Variants in IKZF1 observed in about 807,000 individuals in gnomAD.
IKZF1 encodes IKAROS family zinc finger 1.
In IKZF1, 10 loss-of-function variants were observed where a neutral mutation model predicts 51.7. That is an observed-to-expected ratio of 0.19 (90% CI 0.12 to 0.33). IKZF1 has a LOEUF of 0.33. IKZF1 is among the 10% of genes least tolerant of loss of function. The pLI, the probability that IKZF1 is intolerant of heterozygous loss-of-function variation, is 1.00. For missense variants in IKZF1, 484 were observed against 707.5 expected (o/e 0.68, Z 3.58); for synonymous variants, 280 against 282.3 (o/e 0.99, Z 0.08).
At chr7:50,381,755 G>A (rs1015935607) in intron 4 of IKZF1, among the ~76,000 whole-genome samples, 15 of 152,204 alleles carry the variant, frequency 9.9e-5, no homozygotes, top group African/African-American at 3.6e-4. Context: ...TTTAGGATTT[G>A]TAAAGAAAGA....
chr7:50,383,934 C>T (rs1812602502), intron 5 of IKZF1, among the ~76,000 whole-genome samples: 1 of 152,252 alleles, frequency 6.6e-6, no homozygotes, highest in Non-Finnish European at 1.5e-5. Flanking sequence ...CTTTATCACA[C>T]ATTTACTGAG....
chr7:50,393,683 G>A (rs761585174), intron 7 of IKZF1, among the ~76,000 whole-genome samples: 1 of 152,206 alleles, frequency 6.6e-6, no homozygotes, highest in African/African-American at 2.4e-5. Context: ...TTCCTGAACG[G>A]AGTAGGAGTG....
intron 3 of IKZF1, chr7:50,368,820 C>T (rs12533431): frequency 0.053 from 11,977 of 224,564 alleles, 756 homozygotes; most frequent in East Asian, 0.21. Context: ...ATTAGTAAAT[C>T]CTCTAATACT....
At chr7:50,359,436 G>T (rs1236154706) in intron 3 of IKZF1, among the ~76,000 whole-genome samples, 2 of 152,186 alleles carry the variant, frequency 1.3e-5, no homozygotes, top group Non-Finnish European at 2.9e-5. Context: ...GAGCTGGCAG[G>T]CGGGGGAATG....
intron 3 of IKZF1, among the ~76,000 whole-genome samples, chr7:50,365,366 T>C (rs1219757806): frequency 6.6e-6 from 1 of 152,244 alleles, no homozygotes; most frequent in Non-Finnish European, 1.5e-5. Context: ...GGTACAGCTA[T>C]ATTTTGTTTT....
At chr7:50,335,068 C>G (rs1236612304) in intron 3 of IKZF1, among the ~76,000 whole-genome samples, 2 of 124,476 alleles carry the variant, frequency 1.6e-5, no homozygotes, top group African/African-American at 6.2e-5. Context: ...TGCATGTGTG[C>G]ATGGGATGTG....
chr7:50,353,036 G>A (rs1468973027), intron 3 of IKZF1, among the ~76,000 whole-genome samples: 1 of 152,142 alleles, frequency 6.6e-6, no homozygotes, highest in Non-Finnish European at 1.5e-5. Flanking sequence ...CTTTTCCCCT[G>A]CTTACCCTTG....
At chr7:50,329,987 C>G (rs995916077) in intron 3 of IKZF1, among the ~76,000 whole-genome samples, 1 of 152,170 alleles carries the variant, frequency 6.6e-6, no homozygotes, top group Admixed American at 6.5e-5. Context: ...GTATCCTGTC[C>G]CTTACGGACG....
chr7:50,313,586 A>C (rs941963882), intron 1 of IKZF1, among the ~76,000 whole-genome samples: 3 of 152,210 alleles, frequency 2.0e-5, no homozygotes, highest in East Asian at 1.9e-4. Flanking sequence ...CTGATGGGCA[A>C]GAGTGCTAGG....
Position 50,391,723 on chromosome 7 carries a change from C to G in IKZF1, c.716-6C>G. ...TCTAAACTGGCCTCTCTGTCTTTGACTTTAGTCATTAAAGAAGAAACTAAT... is the reference window on the plus strand; with the variant it reads ...TCTAAACTGGCCTCTCTGTCTTTGAGTTTAGTCATTAAAGAAGAAACTAAT... On this transcript the variant is annotated splice_polypyrimidine_tract_variant and splice_region_variant and intron_variant, in intron 6 of 7. Transcript: ENST00000331340. 1 of 1,613,818 alleles carries G rather than the reference C, an allele frequency of 6.2e-7. No homozygotes were observed. The highest frequency in any genetic ancestry group is 8.5e-7 in the Non-Finnish European group (1 of 1,179,836).
chr7:50,345,636 G>A (rs79663307), intron 3 of IKZF1, among the ~76,000 whole-genome samples: 5,692 of 152,276 alleles, frequency 0.037, 368 homozygotes, highest in African/African-American at 0.13. Flanking sequence ...GAGATTCATG[G>A]GGCCAAAGAA....
At chr7:50,331,640 C>T (rs1796468196) in intron 3 of IKZF1, among the ~76,000 whole-genome samples, 1 of 152,080 alleles carries the variant, frequency 6.6e-6, no homozygotes, top group Non-Finnish European at 1.5e-5. Flanking sequence ...AATCAGTTCC[C>T]TATGAGGAGG....
chr7:50,381,825 A>G (rs1811924608), intron 4 of IKZF1, among the ~76,000 whole-genome samples: 1 of 152,172 alleles, frequency 6.6e-6, no homozygotes, highest in South Asian at 2.1e-4. Flanking sequence ...AAGGTTTGGG[A>G]CTTTTCTTTG....
At chr7:50,383,305 A>G (rs952647272) in intron 5 of IKZF1, among the ~76,000 whole-genome samples, 1 of 152,202 alleles carries the variant, frequency 6.6e-6, no homozygotes, top group Non-Finnish European at 1.5e-5. Flanking sequence ...TTAGACAGTT[A>G]AAGTACAACC....
Position 50,382,448 on chromosome 7 carries a change from C to T in IKZF1, c.422-92C>T, listed in dbSNP as rs993662333. 7 of 1,459,024 alleles carry T rather than the reference C, an allele frequency of 4.8e-6. No homozygotes were observed. The Admixed American group carries it at 1.4e-4, about 29-fold the overall frequency. The allele number at this position is 1,459,024 out of a possible 1,614,324, so 90.4% of individuals were successfully genotyped here. A position where few individuals can be genotyped will look rare whatever the true frequency, so the allele number is the denominator to read the frequency against. ...CAAACCTGCAGCCGGTGGAAGTCAC[C>T]AGGCCCCCGTGGGAAACAACTTTCT... On this transcript the variant is annotated intron_variant, in intron 4 of 7. Coordinates refer to ENST00000331340, the MANE Select transcript of IKZF1 (RefSeq NM_006060.6).
intron 1 of IKZF1, among the ~76,000 whole-genome samples, chr7:50,311,544 T>A (rs570135643): frequency 4.7e-4 from 72 of 152,354 alleles, no homozygotes; most frequent in Non-Finnish European, 7.3e-4. Context: ...CTTGTGAAGA[T>A]CTAAATAATT....
chr7:50,385,283 G>A (rs1203211723), intron 5 of IKZF1, among the ~76,000 whole-genome samples: 1 of 152,178 alleles, frequency 6.6e-6, no homozygotes, highest in Non-Finnish European at 1.5e-5. Flanking sequence ...AAGGACTTTG[G>A]CCTTGCTCTG....
At chr7:50,380,946 C>T (rs997612373) in intron 4 of IKZF1, among the ~76,000 whole-genome samples, 5 of 152,186 alleles carry the variant, frequency 3.3e-5, no homozygotes, top group Non-Finnish European at 5.9e-5. Context: ...ACCTTCCAAC[C>T]TGCTTACGTT....
chr7:50,306,045 A>T (rs1034849037), intron 1 of IKZF1, among the ~76,000 whole-genome samples: 1 of 152,222 alleles, frequency 6.6e-6, no homozygotes, highest in Non-Finnish European at 1.5e-5. Flanking sequence ...AGTATTATTT[A>T]TATTAGAATG....
Sources: allele counts gnomAD v4.1 joint callset (sites outside exome capture counted in the v4.1 genomes callset), GRCh38; gene constraint gnomAD v4.1.1; transcripts MANE v1.5; gene names NCBI Gene and HGNC (gene_info 2026-07-23, HGNC 2026-07-21).